Variants in KIAA1328 observed in about 807,000 individuals in gnomAD.
KIAA1328 encodes the protein protein hinderin.
A neutral mutation model predicts 68.1 loss-of-function variants in KIAA1328; 52 were observed. The observed-to-expected ratio is 0.76, with a 90% CI of 0.61 to 0.96. KIAA1328 has a LOEUF of 0.96. Among genes scored for constraint, KIAA1328 ranks in the 40% least tolerant of loss-of-function variants. The probability of loss-of-function intolerance (pLI) is 0.00; values close to 1 mark genes in which losing one functional copy is unlikely to be tolerated. For missense variants in KIAA1328, 641 were observed against 677.6 expected, an observed-to-expected ratio of 0.95 and a Z score of 0.60; for synonymous variants, 232 against 239.4, an observed-to-expected ratio of 0.97 and a Z score of 0.28.
intron 6 of KIAA1328, among the ~76,000 whole-genome samples, chr18:37,061,727 T>C (rs2151711357): frequency 6.6e-6 from 1 of 152,320 alleles, no homozygotes; most frequent in Non-Finnish European, 1.5e-5. Context: ...TCTTCAACTC[T>C]ACTAATAAAA....
At chr18:36,931,492 C>G (rs1315696352) in intron 5 of KIAA1328, among the ~76,000 whole-genome samples, 1 of 152,004 alleles carries the variant, frequency 6.6e-6, no homozygotes, top group African/African-American at 2.4e-5. Flanking sequence ...CCATACCACC[C>G]CACAATGTCT....
chr18:37,010,782 ACT>A (rs1206624684), intron 6 of KIAA1328, among the ~76,000 whole-genome samples: 1 of 152,186 alleles, frequency 6.6e-6, no homozygotes, highest in Non-Finnish European at 1.5e-5. Flanking sequence ...TTAAAATGAT[ACT>A]GTCATTTGAG....
intron 5 of KIAA1328, chr18:36,946,544 A>G (rs1055847114): frequency 1.3e-5 from 2 of 152,218 alleles, no homozygotes; most frequent in Admixed American, 6.5e-5. Flanking sequence ...TTACATTTTA[A>G]GGAATGCTGC....
intron 6 of KIAA1328, among the ~76,000 whole-genome samples, chr18:37,007,657 T>G (rs1333174345): frequency 1.3e-5 from 2 of 152,114 alleles, no homozygotes; most frequent in African/African-American, 4.8e-5. Context: ...ATTAGACAAG[T>G]TTCTAAAAAG....
chr18:37,016,042 A>G (rs1250000440), intron 6 of KIAA1328, among the ~76,000 whole-genome samples: 1 of 152,112 alleles, frequency 6.6e-6, no homozygotes, highest in Admixed American at 6.5e-5. Flanking sequence ...ATGTTGAGTA[A>G]GAGTGGTAAG....
At chr18:37,100,315 C>T (rs2057565741) in intron 7 of KIAA1328, among the ~76,000 whole-genome samples, 1 of 152,208 alleles carries the variant, frequency 6.6e-6, no homozygotes, top group Admixed American at 6.5e-5. Flanking sequence ...TCGGGTCACT[C>T]CCACCCTAAT....
intron 4 of KIAA1328, among the ~76,000 whole-genome samples, chr18:36,859,941 T>C (rs1335220510): frequency 1.3e-5 from 2 of 151,594 alleles, no homozygotes; most frequent in African/African-American, 4.8e-5. Context: ...TTTTAATGTG[T>C]ACTTATAAAA....
At chr18:37,209,237 T>C (rs1380032923) in intron 9 of KIAA1328, among the ~76,000 whole-genome samples, 2 of 152,238 alleles carry the variant, frequency 1.3e-5, no homozygotes, top group Admixed American at 1.3e-4. Context: ...TGATGAGCTG[T>C]CTAAAGATTT....
Position 37,166,834 on chromosome 18 carries a change from G to A in KIAA1328, c.1415-6139G>A, listed in dbSNP as rs573255598. Among the ~76,000 whole-genome samples, 155 of 152,026 alleles carry A rather than the reference G, an allele frequency of 1.0e-3. 2 individuals carry two copies. The highest frequency in any genetic ancestry group is 3.7e-3 in the African/African-American group (153 of 41,450). On this transcript the variant is annotated intron_variant, in intron 8 of 9. Transcript: ENST00000280020. Reference sequence around the variant, plus strand: ...GTTTAAAAAAATAAATAACAATGAGGCAAACAATAGACACATCAAAAAGTC... The same window carrying A: ...GTTTAAAAAAATAAATAACAATGAGACAAACAATAGACACATCAAAAAGTC...
At chr18:36,995,713 C>T (rs1049849065) in intron 6 of KIAA1328, among the ~76,000 whole-genome samples, 19 of 152,290 alleles carry the variant, frequency 1.2e-4, no homozygotes, top group South Asian at 2.1e-4. Flanking sequence ...AAACCTCTAG[C>T]GGGGCAACTA....
At chr18:37,229,730 C>CA, downstream of KIAA1328, 1 of 315,978 alleles carries the variant, frequency 3.2e-6, no homozygotes, top group South Asian at 3.0e-5. Flanking sequence ...TGTAAAAATA[C>CA]AAAAAATTAC....
chr18:37,020,939 T>C (rs1196973394), intron 6 of KIAA1328, among the ~76,000 whole-genome samples: 2 of 152,166 alleles, frequency 1.3e-5, no homozygotes, highest in East Asian at 3.9e-4. Flanking sequence ...AATTCAACTT[T>C]TAAAGTATTT....
intron 5 of KIAA1328, among the ~76,000 whole-genome samples, chr18:36,917,378 C>T (rs1400055067): frequency 6.6e-6 from 1 of 152,070 alleles, no homozygotes; most frequent in African/African-American, 2.4e-5. Context: ...CCACCACACC[C>T]AGCTACTTAA....
At chr18:36,905,144 C>T (rs2049173088) in intron 5 of KIAA1328, among the ~76,000 whole-genome samples, 1 of 150,850 alleles carries the variant, frequency 6.6e-6, no homozygotes, top group South Asian at 2.1e-4. Context: ...CGGAGTCTTG[C>T]TCTGTTGACC....
At chr18:37,085,324 G>T (rs549539667) in intron 7 of KIAA1328, among the ~76,000 whole-genome samples, 1 of 152,250 alleles carries the variant, frequency 6.6e-6, no homozygotes, top group Admixed American at 6.5e-5. Context: ...CAAACAGAGG[G>T]TATCTCTCTC....
intron 7 of KIAA1328, among the ~76,000 whole-genome samples, chr18:37,086,578 A>G (rs976281001): frequency 6.6e-6 from 1 of 152,166 alleles, no homozygotes; most frequent in African/African-American, 2.4e-5. Context: ...TTACTAAAAC[A>G]TGCGCTGCAG....
At chr18:36,961,999 A>T (rs7507006) in intron 6 of KIAA1328, among the ~76,000 whole-genome samples, 6,586 of 152,332 alleles carry the variant, frequency 0.043, 494 homozygotes, top group African/African-American at 0.15. Flanking sequence ...TAAATGCCCC[A>T]GTTAAAAGAC....
intron 7 of KIAA1328, among the ~76,000 whole-genome samples, chr18:37,147,780 G>A (rs1310628905): frequency 6.6e-6 from 1 of 152,094 alleles, no homozygotes; most frequent in African/African-American, 2.4e-5. Flanking sequence ...ATTTCTCGTA[G>A]TATTGCCCAA....
chr18:37,021,967 G>A (rs58642886), intron 6 of KIAA1328, among the ~76,000 whole-genome samples: 16,223 of 152,028 alleles, frequency 0.11, 1,094 homozygotes, highest in Non-Finnish European at 0.13. Context: ...GTGAACCCAG[G>A]AGACAGAGCT....
Sources: gnomAD v4.1 joint callset for allele counts (sites outside exome capture counted in the v4.1 genomes callset) on GRCh38, gnomAD v4.1.1 for gene constraint, MANE v1.5 for transcripts, NCBI Gene and HGNC (gene_info 2026-07-23, HGNC 2026-07-21) for gene names.